Variants in ITGAE observed in about 807,000 individuals in gnomAD.
ITGAE encodes the protein integrin alpha-E.
Under a neutral mutation model 136.5 loss-of-function variants are expected in ITGAE, and 99 were observed. The observed-to-expected ratio is 0.73, with a 90% CI of 0.62 to 0.86. ITGAE has a LOEUF of 0.86. ITGAE is among the 40% of genes least tolerant of loss of function. The pLI is 0.00. For synonymous variants in ITGAE, 613 were observed against 591.8 expected (o/e 1.04, Z -0.52); for missense variants, 1,447 against 1,515.3 (o/e 0.95, Z 0.75).
At chr17:3,768,006 A>C (rs1239956228) in intron 2 of ITGAE, among the ~76,000 whole-genome samples, 2 of 152,178 alleles carry the variant, frequency 1.3e-5, no homozygotes, top group Non-Finnish European at 2.9e-5. Flanking sequence ...GAGCTTCTAG[A>C]AGGGACCCAG....
chr17:3,753,920 C>A lies in ITGAE; in HGVS notation c.1390G>T (p.Ala464Ser), dbSNP rs779678612. ...CAGGTCTTGTGCAGCACGGCCACAG[C>A]GTAACCTGGGGCAAGGGTGGTGTGG... ...EAAQYSYLGY[A>S]VAVLHKTCSL... The change falls in exon 13 of 31, where the codon GCT (alanine) becomes TCT (serine). Residue 464 changes from alanine to serine, a missense_variant. Ala to Ser is a moderately conservative substitution (Grantham distance 99). Transcript: ENST00000263087. 1.2e-6 allele frequency: 2 copies of A among 1,613,774 alleles called. No homozygotes were observed. Among genetic ancestry groups the A allele is most frequent in the South Asian group, 2.2e-5 (2 of 91,082 alleles).
At chr17:3,749,123 G>A (rs977994177) in intron 16 of ITGAE, among the ~76,000 whole-genome samples, 52 of 152,020 alleles carry the variant, frequency 3.4e-4, no homozygotes, top group African/African-American at 1.2e-3. Flanking sequence ...AAGGAAAAGA[G>A]GCATCAAAGA....
rs550841793 is a variant in ITGAE at position 3,794,378 on chromosome 17, C to T, written c.34+6733G>A. On this transcript the variant is annotated intron_variant, in intron 1 of 30. Coordinates refer to ENST00000263087, the MANE Select transcript of ITGAE (RefSeq NM_002208.5). The stretch of plus-strand genomic sequence containing the variant: ...CAAGTGATCCTCCAGTCTTGGCCTC[C>T]CTAAGTGCTGGGATTACAGGAGTGA... Among the ~76,000 whole-genome samples the T allele has an allele frequency of 3.3e-5, 5 of 152,220 alleles. No individual in the cohort carries two copies. In the South Asian group the frequency reaches 1.0e-3, roughly 32 times the overall value.
rs1373862296 is a variant in ITGAE at position 3,798,924 on chromosome 17, A to G, written c.34+2187T>C. ...GTCTGTCTGCACCCAATGCTTCTAA[A>G]ATCTCCCTTAGACAACTGCTATTAT... On this transcript the variant is annotated intron_variant, in intron 1 of 30. Coordinates refer to ENST00000263087, the MANE Select transcript of ITGAE (RefSeq NM_002208.5). The surrounding 1 kb of genome is among the most constrained non-coding windows in gnomAD (Gnocchi z 4.3). Among the ~76,000 whole-genome samples the G allele has an allele frequency of 6.6e-6, 1 of 152,084 alleles. No homozygotes were observed. Among genetic ancestry groups the G allele is most frequent in the Non-Finnish European group, 1.5e-5 (1 of 68,016 alleles).
At chr17:3,717,232 T>G (rs2050960733) in intron 29 of ITGAE, 1 of 161,858 alleles carries the variant, frequency 6.2e-6, no homozygotes, top group African/African-American at 2.4e-5. Flanking sequence ...TCCAACTCCG[T>G]TCTGACGGCT....
chr17:3,718,026 A>G (rs1330612920), intron 29 of ITGAE: 1 of 152,282 alleles, frequency 6.6e-6, no homozygotes, highest in Non-Finnish European at 1.5e-5. Flanking sequence ...ACAGATTCCC[A>G]AAAGTGCCCC....
At chr17:3,737,210 T>C (rs2051478285) in intron 20 of ITGAE, among the ~76,000 whole-genome samples, 1 of 152,182 alleles carries the variant, frequency 6.6e-6, no homozygotes, top group African/African-American at 2.4e-5. Flanking sequence ...GGAGAAGCAC[T>C]TGAAGCCGGG....
chr17:3,775,524 A>T (rs369520179), intron 2 of ITGAE, among the ~76,000 whole-genome samples: 2 of 152,092 alleles, frequency 1.3e-5, no homozygotes, highest in African/African-American at 4.8e-5. Context: ...CAATGGCACG[A>T]TCTCGGCTCA....
chr17:3,731,277 T>C, intron 22 of ITGAE, 94 bp from the exon 23 acceptor site: 1 of 867,974 alleles, frequency 1.2e-6, no homozygotes, highest in African/African-American at 1.7e-5. Context: ...TAGGAGACGA[T>C]TCCTCAGATT....
intron 28 of ITGAE, chr17:3,720,737 C>T (rs1422085797): frequency 1.6e-5 from 3 of 192,632 alleles, no homozygotes; most frequent in Non-Finnish European, 3.2e-5. Flanking sequence ...CATGTGCCAC[C>T]ATGCCAGGCT....
chr17:3,723,638 C>A, intron 27 of ITGAE, 50 bp downstream of exon 27: 2 of 1,503,042 alleles, frequency 1.3e-6, no homozygotes, highest in East Asian at 4.9e-5. Context: ...TCTCGTTACC[C>A]GCTTCAGGCC....
At chr17:3,791,016 G>C (rs959787586) in intron 1 of ITGAE, among the ~76,000 whole-genome samples, 1 of 151,804 alleles carries the variant, frequency 6.6e-6, no homozygotes, top group African/African-American at 2.4e-5. Context: ...TTAGCCAGGC[G>C]TGGTGGTGGG....
At chr17:3,775,128 T>C (rs1434189527) in intron 2 of ITGAE, among the ~76,000 whole-genome samples, 1 of 152,108 alleles carries the variant, frequency 6.6e-6, no homozygotes, top group Non-Finnish European at 1.5e-5. Context: ...TTTTTTTATA[T>C]TTTTTGTAGA....
At position 3,753,570 on chromosome 17, in the gene ITGAE, A is replaced by G. The variant is rs932394946; in HGVS notation, c.1528-140T>C. 1.5e-4 allele frequency: 176 copies of G among 1,191,936 alleles called. 1 individual carries two copies. In the African/African-American group the frequency reaches 2.4e-3, roughly 16 times the overall value. 73.8% of individuals were successfully genotyped at this position (1,191,936 alleles called of 1,614,324 possible). A position where few individuals can be genotyped will look rare whatever the true frequency, so the allele number is the denominator to read the frequency against. On this transcript the variant is annotated intron_variant, in intron 13 of 30. Coordinates refer to ENST00000263087, the MANE Select transcript of ITGAE (RefSeq NM_002208.5). ...ATTTGCTCACTGAGAGTAACAGAAG[A>G]GTGGAGGAGCAGCCCAGGCCCCACA...
chr17:3,725,759 AG>A, intron 26 of ITGAE: 1 of 1,590,678 alleles, frequency 6.3e-7, no homozygotes, highest in Non-Finnish European at 8.6e-7. Flanking sequence ...TTGAGTTTGG[AG>A]GGATTGACTT....
intron 23 of ITGAE, among the ~76,000 whole-genome samples, chr17:3,730,681 C>T (rs775537456): frequency 6.6e-6 from 1 of 151,988 alleles, no homozygotes; most frequent in Non-Finnish European, 1.5e-5. Context: ...TACTGAACAC[C>T]CCCCTCCCCA....
At position 3,723,695 on chromosome 17, in the gene ITGAE, G is replaced by C. The variant is rs146208694; in HGVS notation, c.3134C>G (p.Ser1045Trp). ...WSQERACAYS[S>W]VQHVEEWHSV... The stretch of plus-strand genomic sequence containing the variant: ...CGGGACGGCCGCGCTTACCTGAACC[G>C]AACTGTACGCACAAGCGCGCTCCTG... The change falls in exon 27 of 31, where the codon TCG becomes TGG. Residue 1045 changes from serine (S) to tryptophan (W), a missense_variant. Ser to Trp is a radical substitution (Grantham distance 177). Coordinates refer to ENST00000263087, the MANE Select transcript of ITGAE (RefSeq NM_002208.5). The C allele has an allele frequency of 8.6e-5, 138 of 1,599,560 alleles. No homozygotes were observed. The African/African-American group carries it at 1.5e-3, about 18-fold the overall frequency.
At chr17:3,738,328 G>A (rs538201306) in intron 20 of ITGAE, among the ~76,000 whole-genome samples, 39 of 152,126 alleles carry the variant, frequency 2.6e-4, no homozygotes, top group African/African-American at 8.9e-4. Context: ...CCACCACCAT[G>A]CCCAGCTAAT....
intron 2 of ITGAE, among the ~76,000 whole-genome samples, chr17:3,770,900 G>A (rs1481499888): frequency 3.3e-5 from 5 of 152,240 alleles, no homozygotes; most frequent in Middle Eastern, 6.8e-3. Context: ...GCGTGGGGTC[G>A]CTGGGTATTG....
Sources: allele counts gnomAD v4.1 joint callset (sites outside exome capture counted in the v4.1 genomes callset), GRCh38; gene constraint gnomAD v4.1.1; non-coding constraint Gnocchi (gnomAD v3.1); transcripts MANE v1.5; gene names NCBI Gene and HGNC (gene_info 2026-07-23, HGNC 2026-07-21).